Variants in SMCP observed in about 807,000 individuals in gnomAD.
SMCP encodes sperm mitochondrial-associated cysteine-rich protein.
For missense variants in SMCP, 137 were observed against 137.1 expected, an observed-to-expected ratio of 1.00 and a Z score of 0.01; for synonymous variants, 41 against 46.9, an observed-to-expected ratio of 0.87 and a Z score of 0.51.
chr1:152,878,899 G>A lies in SMCP; in HGVS notation c.-21+453G>A, dbSNP rs575556620. On this transcript the variant is annotated intron_variant, in intron 1 of 1. Coordinates refer to ENST00000368765, the MANE Select transcript of SMCP (RefSeq NM_030663.3). ...GAAGGGTGGTTTAAGCTGGGAAAGA[G>A]CACATTCAAAGACCTGGAAAGAGGT... Among the ~76,000 whole-genome samples the A allele has an allele frequency of 8.5e-5, 13 of 152,306 alleles. No homozygotes were observed. In the South Asian group the frequency reaches 2.7e-3, roughly 32 times the overall value.
intron 1 of SMCP, among the ~76,000 whole-genome samples, chr1:152,881,646 C>T (rs1570900875): frequency 6.7e-6 from 1 of 148,678 alleles, no homozygotes; most frequent in East Asian, 2.1e-4. Context: ...CGAGATTGCG[C>T]CACTGCAGTC....
rs79625220 is a variant in SMCP at position 152,883,697 on chromosome 1, G to A, written c.-20-706G>A. Among the ~76,000 whole-genome samples, 1,327 of 152,246 alleles carry A rather than the reference G, an allele frequency of 8.7e-3. 17 individuals are homozygous for A. The highest frequency in any genetic ancestry group is 0.03 in the African/African-American group (1,253 of 41,548). On this transcript the variant is annotated intron_variant, in intron 1 of 1. Coordinates refer to ENST00000368765, the MANE Select transcript of SMCP (RefSeq NM_030663.3). ...AGGTACAAGCCCAGAGAGATGAAGAGAACTGCACAATCCCTTAGGCTTGGG... is the reference window on the plus strand; with the variant it reads ...AGGTACAAGCCCAGAGAGATGAAGAAAACTGCACAATCCCTTAGGCTTGGG...
At chr1:152,881,892 C>T (rs1649066408) in intron 1 of SMCP, among the ~76,000 whole-genome samples, 1 of 152,190 alleles carries the variant, frequency 6.6e-6, no homozygotes, top group Non-Finnish European at 1.5e-5. Context: ...GCTTATAAAA[C>T]CATCAGATTT....
chr1:152,881,392 A>G (rs372014831), intron 1 of SMCP, among the ~76,000 whole-genome samples: 10 of 152,162 alleles, frequency 6.6e-5, no homozygotes, highest in African/African-American at 1.9e-4. Flanking sequence ...CCACACTGCT[A>G]TAAAGATACT....
In SMCP at chr1:152,879,429, C is replaced by A. The variant is rs111927257; in HGVS notation, c.-21+983C>A. ...AGAGATGGAGTTTTGCCATGTTGGC[C>A]AGGCTGGTCTCAAACTCCTGACCTC... On this transcript the variant is annotated intron_variant, in intron 1 of 1. Coordinates refer to ENST00000368765, the MANE Select transcript of SMCP (RefSeq NM_030663.3). 9.5e-3 allele frequency among the ~76,000 whole-genome samples: 1,453 copies of A among 152,238 alleles called. 16 individuals carry two copies. The highest frequency in any genetic ancestry group is 0.03 in the African/African-American group (1,260 of 41,536).
At chr1:152,882,462 G>A (rs537036413) in intron 1 of SMCP, among the ~76,000 whole-genome samples, 121 of 152,296 alleles carry the variant, frequency 7.9e-4, no homozygotes, top group African/African-American at 2.9e-3. Context: ...GGCAAGTAGG[G>A]AGCACCCAGC....
chr1:152,878,970 G>A (rs957948480), intron 1 of SMCP, among the ~76,000 whole-genome samples: 1 of 152,200 alleles, frequency 6.6e-6, no homozygotes, highest in Non-Finnish European at 1.5e-5. Flanking sequence ...TGGTGCCTGA[G>A]GGAACAGTGT....
intron 1 of SMCP, among the ~76,000 whole-genome samples, chr1:152,881,210 C>A (rs1649030494): frequency 6.6e-6 from 1 of 152,084 alleles, no homozygotes; most frequent in Non-Finnish European, 1.5e-5. Context: ...TGTCACCCAT[C>A]ATTCAGGATA....
chr1:152,882,503 C>T (rs931967345), intron 1 of SMCP, among the ~76,000 whole-genome samples: 2 of 152,074 alleles, frequency 1.3e-5, no homozygotes, highest in African/African-American at 4.8e-5. Context: ...AGAGGCTGGC[C>T]CCTACTAGGA....
intron 1 of SMCP, among the ~76,000 whole-genome samples, chr1:152,883,509 G>C (rs1649117279): frequency 6.6e-6 from 1 of 152,244 alleles, no homozygotes; most frequent in Non-Finnish European, 1.5e-5. Flanking sequence ...CTTCCTGGGA[G>C]GAGGAAGATG....
At position 152,884,586 on chromosome 1, in the gene SMCP, A is replaced by C; in HGVS notation, c.164A>C (p.His55Pro). Reference protein sequence around the residue: ...PKGSQCCPPKHNHCCQPKPPC... With the variant: ...PKGSQCCPPKPNHCCQPKPPC... ...GGCAGTCAATGCTGCCCACCAAAACACAATCACTGCTGCCAGCCAAAACCC... is the reference window on the plus strand; with the variant it reads ...GGCAGTCAATGCTGCCCACCAAAACCCAATCACTGCTGCCAGCCAAAACCC... Residue 55 changes from histidine (H) to proline (P), a missense_variant, in exon 2 of 2, where the codon CAC becomes CCC. Coordinates refer to ENST00000368765, the MANE Select transcript of SMCP (RefSeq NM_030663.3). The C allele has an allele frequency of 6.2e-7, 1 of 1,614,044 alleles. No homozygotes were observed. Among genetic ancestry groups the C allele is most frequent in the Middle Eastern group, 1.6e-4 (1 of 6,062 alleles).
intron 1 of SMCP, among the ~76,000 whole-genome samples, chr1:152,879,587 C>G (rs1648974437): frequency 6.6e-6 from 1 of 152,082 alleles, no homozygotes; most frequent in Non-Finnish European, 1.5e-5. Flanking sequence ...GTTTGTTGGA[C>G]AGGAGCCAGG....
intron 1 of SMCP, among the ~76,000 whole-genome samples, chr1:152,882,250 C>T (rs1191812751): frequency 6.6e-6 from 1 of 152,174 alleles, no homozygotes; most frequent in African/African-American, 2.4e-5. Context: ...GGATTACAGA[C>T]GTGAGCCACT....
At chr1:152,881,694 C>CAA (rs767042818) in intron 1 of SMCP, among the ~76,000 whole-genome samples, 3,852 of 70,032 alleles carry the variant, frequency 0.055, 302 homozygotes, top group African/African-American at 0.15. Flanking sequence ...GACTCCGTCT[C>CAA]AAAAAAAAAA....
At position 152,884,978 on chromosome 1, in the gene SMCP, G is replaced by A. The variant is rs1649174496; in HGVS notation, c.*205G>A. ...CTCCATCTGGAAATGGGAGGATGAA[G>A]AGGCTAGAATCATCTTTCCTAGTGA... is the stretch of plus-strand genomic sequence containing the variant. On this transcript the variant is annotated 3_prime_UTR_variant, in exon 2 of 2. Transcript: ENST00000368765. 8.4e-6 allele frequency: 5 copies of A among 598,404 alleles called. No homozygotes were observed. The South Asian group carries it at 1.2e-4, about 14-fold the overall frequency. 37.1% of individuals were successfully genotyped at this position (598,404 alleles called of 1,614,324 possible).
chr1:152,882,191 G>A (rs1444795643), intron 1 of SMCP, among the ~76,000 whole-genome samples: 1 of 152,056 alleles, frequency 6.6e-6, no homozygotes, highest in African/African-American at 2.4e-5. Flanking sequence ...GGCTGGTTCT[G>A]AACCCCCGAC....
At chr1:152,883,486 A>C (rs1384961246) in intron 1 of SMCP, among the ~76,000 whole-genome samples, 1 of 152,248 alleles carries the variant, frequency 6.6e-6, no homozygotes, top group African/African-American at 2.4e-5. Flanking sequence ...GGACGTTCCC[A>C]GAAGAGCTTG....
intron 1 of SMCP, among the ~76,000 whole-genome samples, chr1:152,882,327 C>T (rs1299679976): frequency 6.6e-6 from 1 of 152,164 alleles, no homozygotes; most frequent in Non-Finnish European, 1.5e-5. Flanking sequence ...CCCCAGGAGT[C>T]CCTTTATCTA....
rs1225757985 is a variant in SMCP, at chr1:152,884,684, G to A, written c.262G>A (p.Glu88Lys). ...PEVSPLNMES[E>K]PNSPQTQDKG... is the part of the protein sequence containing the mutation. Reference sequence around the variant, plus strand: ...AGTCTCACCCCTTAACATGGAGTCTGAGCCCAACTCACCGCAAACTCAGGA... The same window carrying A: ...AGTCTCACCCCTTAACATGGAGTCTAAGCCCAACTCACCGCAAACTCAGGA... The change falls in exon 2 of 2, where the codon GAG becomes AAG. Residue 88 changes from glutamate (E) to lysine (K), a missense_variant. Transcript: ENST00000368765. 3 of 1,614,092 alleles carry A rather than the reference G, an allele frequency of 1.9e-6. No homozygotes were observed. The highest frequency in any genetic ancestry group is 1.7e-5 in the Admixed American group (1 of 60,000).
Sources: gnomAD v4.1 joint callset for allele counts (sites outside exome capture counted in the v4.1 genomes callset) on GRCh38, gnomAD v4.1.1 for gene constraint, MANE v1.5 for transcripts, NCBI Gene and HGNC (gene_info 2026-07-23, HGNC 2026-07-21) for gene names.